The following SH3RF2 variants were observed in gnomAD, a reference collection of about 807,000 sequenced individuals.
SH3RF2 encodes the protein E3 ubiquitin-protein ligase SH3RF2.
Under a neutral mutation model 59.0 loss-of-function variants are expected in SH3RF2, and 43 were observed. That is an observed-to-expected ratio of 0.73 (90% CI 0.57 to 0.94). The LOEUF is 0.94. Ranked by LOEUF, SH3RF2 falls within the 40% of genes least tolerant of loss-of-function variation. The pLI is 0.00. For synonymous variants in SH3RF2, 391 were observed against 391.5 expected, an observed-to-expected ratio of 1.00 and a Z score of 0.01; for missense variants, 930 against 940.1, an observed-to-expected ratio of 0.99 and a Z score of 0.14.
At chr5:145,987,751 A>C (rs17104183) in intron 2 of SH3RF2, among the ~76,000 whole-genome samples, 11,755 of 152,256 alleles carry the variant, frequency 0.077, 1,561 homozygotes, top group African/African-American at 0.27. Context: ...TGTTGAAAGC[A>C]AAAAAGGAAT....
chr5:146,010,230 A>C (rs1580853967), intron 4 of SH3RF2, among the ~76,000 whole-genome samples: 1 of 152,226 alleles, frequency 6.6e-6, no homozygotes, highest in Non-Finnish European at 1.5e-5. Context: ...ATGGCTGCGT[A>C]GTATTCCATG....
intron 2 of SH3RF2, among the ~76,000 whole-genome samples, chr5:145,984,392 G>T (rs1759621969): frequency 6.6e-6 from 1 of 152,172 alleles, no homozygotes; most frequent in Admixed American, 6.5e-5. Context: ...GATAGGAAAG[G>T]CTTTCTGAAG....
intron 7 of SH3RF2, chr5:146,055,707 G>T: frequency 2.0e-6 from 1 of 488,508 alleles, no homozygotes; most frequent in Non-Finnish European, 3.7e-6. Context: ...GAGTGAAAAA[G>T]GATGAAATTC....
chr5:145,965,943 G>A (rs1580784652), intron 2 of SH3RF2, among the ~76,000 whole-genome samples: 1 of 152,202 alleles, frequency 6.6e-6, no homozygotes, highest in South Asian at 2.1e-4. Flanking sequence ...AAGAGTGAAG[G>A]ATGAGTCTGA....
At chr5:145,955,129 A>G (rs915225253) in intron 2 of SH3RF2, among the ~76,000 whole-genome samples, 1 of 152,206 alleles carries the variant, frequency 6.6e-6, no homozygotes, top group African/African-American at 2.4e-5. Flanking sequence ...AAACTATATC[A>G]GTAACGAAGG....
chr5:146,010,209 C>G (rs1403315036), intron 4 of SH3RF2, among the ~76,000 whole-genome samples: 2 of 152,156 alleles, frequency 1.3e-5, no homozygotes, highest in African/African-American at 4.8e-5. Context: ...GGCATGAACT[C>G]ATCCTTTTTT....
intron 2 of SH3RF2, among the ~76,000 whole-genome samples, chr5:145,940,806 C>A (rs1296678564): frequency 6.6e-6 from 1 of 152,154 alleles, no homozygotes; most frequent in Non-Finnish European, 1.5e-5. Flanking sequence ...TAAAAACAGA[C>A]AGCTACTGTG....
At chr5:146,042,301 C>T (rs552973615) in intron 5 of SH3RF2, among the ~76,000 whole-genome samples, 30 of 152,318 alleles carry the variant, frequency 2.0e-4, no homozygotes, top group Admixed American at 1.8e-3. Context: ...CCATAAAAGG[C>T]ACCCCACCCA....
downstream of SH3RF2, among the ~76,000 whole-genome samples, chr5:146,064,407 G>A (rs938115491): frequency 2.0e-5 from 3 of 151,898 alleles, no homozygotes; most frequent in Non-Finnish European, 4.4e-5. Flanking sequence ...AGGCATCCCA[G>A]GAAGCCAAGG....
chr5:145,944,907 A>G (rs1364227106), intron 2 of SH3RF2, among the ~76,000 whole-genome samples: 1 of 152,208 alleles, frequency 6.6e-6, no homozygotes, highest in African/African-American at 2.4e-5. Flanking sequence ...CACCCTCTGC[A>G]GTATTTATTT....
chr5:145,997,698 A>C, intron 2 of SH3RF2: 1 of 1,562,192 alleles, frequency 6.4e-7, no homozygotes, highest in Non-Finnish European at 8.8e-7. Flanking sequence ...GGTAACAGGG[A>C]AAAAGGTATA....
In SH3RF2 at chr5:145,944,031, A is replaced by G. The variant is rs567629401; in HGVS notation, c.378+5725A>G. On this transcript the variant is annotated intron_variant, in intron 2 of 9. Coordinates refer to ENST00000359120, the MANE Select transcript of SH3RF2 (RefSeq NM_152550.4). ...CTTGAAGAGCATTCTCATCTGGCCC[A>G]TTGCCAGCACTGTTACATCACTTTG... is the stretch of plus-strand genomic sequence containing the variant. Among the ~76,000 whole-genome samples, 358 of 152,278 alleles carry G rather than the reference A, an allele frequency of 2.4e-3. 2 individuals carry two copies. The highest frequency in any genetic ancestry group is 7.8e-3 in the African/African-American group (325 of 41,546).
intron 9 of SH3RF2, among the ~76,000 whole-genome samples, chr5:146,068,863 C>A (rs1328773249): frequency 6.6e-6 from 1 of 152,116 alleles, no homozygotes; most frequent in Non-Finnish European, 1.5e-5. Flanking sequence ...TATGTCTGTA[C>A]ACATATGTAA....
intron 2 of SH3RF2, chr5:145,997,879 C>G: frequency 2.0e-6 from 2 of 990,218 alleles, no homozygotes; most frequent in Admixed American, 3.4e-5. Flanking sequence ...CCCTTGCCAA[C>G]AGAACTCAGC....
At chr5:146,008,842 G>GT (rs1760757483) in intron 4 of SH3RF2, among the ~76,000 whole-genome samples, 2 of 152,214 alleles carry the variant, frequency 1.3e-5, no homozygotes, top group South Asian at 4.1e-4. Context: ...TGTTCCTGTA[G>GT]TTTTCTTTTT....
intron 5 of SH3RF2, among the ~76,000 whole-genome samples, chr5:146,024,080 T>C (rs1761437144): frequency 6.6e-6 from 1 of 152,246 alleles, no homozygotes; most frequent in Non-Finnish European, 1.5e-5. Context: ...TTTGTAGACA[T>C]ATGCTTTCAT....
At chr5:145,938,615 G>A (rs1298194374) in intron 2 of SH3RF2, among the ~76,000 whole-genome samples, 2 of 152,176 alleles carry the variant, frequency 1.3e-5, no homozygotes, top group Non-Finnish European at 2.9e-5. Context: ...GCTGTTCTGA[G>A]GCCAAACTAG....
intron 2 of SH3RF2, 83 bp downstream of exon 2, chr5:145,938,389 T>C (rs1757685323): frequency 4.9e-6 from 7 of 1,440,452 alleles, no homozygotes; most frequent in South Asian, 4.5e-5. Flanking sequence ...TATCTTCTTT[T>C]AGTTACATTC....
rs560449632 is a variant in SH3RF2 at position 145,978,483 on chromosome 5, C to T, written c.379-21575C>T. The stretch of plus-strand genomic sequence containing the variant: ...TCCTGCTTCGTCTACTCTTCATGCC[C>T]CATCTAAGTGTTTTTGAAAAATGAA... On this transcript the variant is annotated intron_variant, in intron 2 of 9. Transcript: ENST00000359120. Among the ~76,000 whole-genome samples, 10 of 152,214 alleles carry T rather than the reference C, an allele frequency of 6.6e-5. No homozygotes were observed. The South Asian group carries it at 2.1e-3, about 32-fold the overall frequency.
Sources: gnomAD v4.1 joint callset for allele counts (sites outside exome capture counted in the v4.1 genomes callset) on GRCh38, gnomAD v4.1.1 for gene constraint, MANE v1.5 for transcripts, NCBI Gene and HGNC (gene_info 2026-07-23, HGNC 2026-07-21) for gene names.